Variants in FOXP2 observed in about 807,000 individuals in gnomAD.
FOXP2 encodes the protein forkhead box protein P2.
In FOXP2, 12 loss-of-function variants were observed where a neutral mutation model predicts 115.8. That is an observed-to-expected ratio of 0.10 (90% confidence interval 0.07 to 0.17). The LOEUF (loss-of-function observed/expected upper bound fraction) is 0.17, where lower values mean the gene tolerates loss of function less well. Among genes scored for constraint, FOXP2 ranks in the 10% least tolerant of loss-of-function variants. FOXP2 has a pLI of 1.00. For synonymous variants in FOXP2, 328 were observed against 297.7 expected (o/e 1.10, Z -1.05); for missense variants, 629 against 843.5 (o/e 0.75, Z 3.15).
At chr7:114,515,793 C>T (rs1798310926) in intron 2 of FOXP2, among the ~76,000 whole-genome samples, 1 of 152,152 alleles carries the variant, frequency 6.6e-6, no homozygotes, top group African/African-American at 2.4e-5. Context: ...AGTCCTTGCT[C>T]ATGCCTATGT....
At chr7:114,625,160 AAG>A (rs1804482904) in intron 3 of FOXP2, among the ~76,000 whole-genome samples, 1 of 151,672 alleles carries the variant, frequency 6.6e-6, no homozygotes, top group Non-Finnish European at 1.5e-5. Flanking sequence ...AGTAAATACC[AAG>A]AGAGAAAAAA....
Position 114,415,081 on chromosome 7 carries a change from A to C in FOXP2, c.-290A>C, listed in dbSNP as rs1166508172. The C allele has an allele frequency of 6.6e-6, 3 of 454,160 alleles. No homozygotes were observed. Among genetic ancestry groups the C allele is most frequent in the Non-Finnish European group, 1.3e-5 (3 of 226,686 alleles). The allele number at this position is 454,160 out of a possible 1,614,324, so 28.1% of individuals were successfully genotyped here. A position where few individuals can be genotyped will look rare whatever the true frequency, so the allele number is the denominator to read the frequency against. On this transcript the variant is annotated 5_prime_UTR_variant, in exon 1 of 17. Coordinates refer to ENST00000350908, the MANE Select transcript of FOXP2 (RefSeq NM_014491.4). ...TGATTTTGTGTACGATTGTCCACGG[A>C]CGCCAAAACAATCACAGAGCTGCTT...
intron 2 of FOXP2, among the ~76,000 whole-genome samples, chr7:114,371,060 G>A (rs903276108): frequency 6.6e-6 from 1 of 151,944 alleles, no homozygotes; most frequent in Admixed American, 6.6e-5. Flanking sequence ...TGTTAAATAA[G>A]CATATTCCTT....
At chr7:114,519,580 C>T (rs1798511254) in intron 2 of FOXP2, among the ~76,000 whole-genome samples, 2 of 152,054 alleles carry the variant, frequency 1.3e-5, no homozygotes, top group Admixed American at 1.3e-4. Flanking sequence ...CTTATTGTTC[C>T]ACTCTGGTGA....
chr7:114,335,598 G>A (rs796425062), intron 2 of FOXP2, among the ~76,000 whole-genome samples: 35 of 151,870 alleles, frequency 2.3e-4, no homozygotes, highest in African/African-American at 7.2e-4. Flanking sequence ...AATTATTTCC[G>A]AAGAATGCAA....
intron 1 of FOXP2, among the ~76,000 whole-genome samples, chr7:114,284,753 C>G (rs2694940): frequency 0.56 from 85,395 of 152,052 alleles, 26,766 homozygotes; most frequent in Admixed American, 0.74. Context: ...AAGACACATG[C>G]TCACATATGT....
At position 114,658,245 on chromosome 7, in the gene FOXP2, A is replaced by G; in HGVS notation, c.1446A>G (p.Lys482=). The part of the protein sequence containing the change: ...VGAIRRRHSD[K]YNIPMSSEIA... ...CCATACGAAGGCGACATTCAGACAA[A>G]TACAACATTCCCATGTCATCAGGTA... Residue 482 remains lysine (K), a synonymous_variant, in exon 11 of 17, where the codon AAA becomes AAG. Coordinates refer to ENST00000350908, the MANE Select transcript of FOXP2 (RefSeq NM_014491.4). The G allele has an allele frequency of 6.2e-7, 1 of 1,613,814 alleles. No individual in the cohort carries two copies.
intron 1 of FOXP2, among the ~76,000 whole-genome samples, chr7:114,279,658 AT>A (rs1227515862): frequency 6.6e-6 from 1 of 152,176 alleles, no homozygotes; most frequent in Non-Finnish European, 1.5e-5. Context: ...TTTGCTGAAA[AT>A]GAGAGCTTCT....
chr7:114,120,991 G>T (rs185918396), intron 1 of FOXP2, among the ~76,000 whole-genome samples: 49 of 152,134 alleles, frequency 3.2e-4, no homozygotes, highest in Non-Finnish European at 5.4e-4. Flanking sequence ...AACATTGCTA[G>T]CTTGTGTACA....
chr7:114,140,112 C>CA (rs1380720233), intron 1 of FOXP2, among the ~76,000 whole-genome samples: 5 of 150,612 alleles, frequency 3.3e-5, no homozygotes, highest in African/African-American at 1.2e-4. Flanking sequence ...GACTGTGTTT[C>CA]AAAAAAAAAT....
intron 3 of FOXP2, among the ~76,000 whole-genome samples, chr7:114,602,845 C>G (rs1803102804): frequency 1.3e-5 from 2 of 151,996 alleles, no homozygotes; most frequent in Non-Finnish European, 2.9e-5. Flanking sequence ...AGGAATTGGT[C>G]TAAAATATGG....
intron 2 of FOXP2, among the ~76,000 whole-genome samples, chr7:114,474,320 C>T (rs1187334953): frequency 6.6e-6 from 1 of 152,156 alleles, no homozygotes; most frequent in Admixed American, 6.6e-5. Context: ...CTATGTCTTA[C>T]TCCAGCTAAT....
chr7:114,321,138 G>A (rs1270327888), intron 2 of FOXP2, among the ~76,000 whole-genome samples: 2 of 151,870 alleles, frequency 1.3e-5, no homozygotes, highest in Non-Finnish European at 2.9e-5. Flanking sequence ...TAGGTAACAA[G>A]GAGCCTCGCT....
chr7:114,467,926 T>A (rs1350980335), intron 2 of FOXP2, among the ~76,000 whole-genome samples: 4 of 152,062 alleles, frequency 2.6e-5, no homozygotes, highest in African/African-American at 9.7e-5. Flanking sequence ...TGTCTGTTGG[T>A]TTTTAGACTC....
Position 114,691,057 on chromosome 7 carries a change from T to C in FOXP2, c.*1131T>C, listed in dbSNP as rs1280211322. ...AAAATCCGCAGTGGAAGTTATGATA[T>C]GCTAGAAAGCAACAAATGTGGATCA... On this transcript the variant is annotated 3_prime_UTR_variant, in exon 17 of 17. Coordinates refer to ENST00000350908, the MANE Select transcript of FOXP2 (RefSeq NM_014491.4). 4.4e-6 allele frequency: 2 copies of C among 454,028 alleles called. No homozygotes were observed. The highest frequency in any genetic ancestry group is 4.0e-5 in the African/African-American group (2 of 50,020). The allele number at this position is 454,028 out of a possible 1,614,324, so 28.1% of individuals were successfully genotyped here.
intron 1 of FOXP2, among the ~76,000 whole-genome samples, chr7:114,263,231 T>C (rs1795804844): frequency 6.6e-6 from 1 of 152,138 alleles, no homozygotes; most frequent in South Asian, 2.1e-4. Flanking sequence ...TGCAAATGAG[T>C]TATCTTTGCT....
intron 1 of FOXP2, among the ~76,000 whole-genome samples, chr7:114,205,943 C>A (rs78265885): frequency 2.7e-3 from 409 of 152,288 alleles, no homozygotes; most frequent in African/African-American, 9.3e-3. Context: ...ATAGTTAGAA[C>A]CCATGGCCAA....
intron 1 of FOXP2, among the ~76,000 whole-genome samples, chr7:114,273,852 T>A (rs547787564): frequency 5.9e-5 from 9 of 152,102 alleles, no homozygotes; most frequent in Non-Finnish European, 8.8e-5. Flanking sequence ...GCATTCCTTG[T>A]AGACAACAAA....
intron 13 of FOXP2, among the ~76,000 whole-genome samples, chr7:114,661,186 A>G (rs1404472598): frequency 6.6e-6 from 1 of 151,948 alleles, no homozygotes; most frequent in Non-Finnish European, 1.5e-5. Flanking sequence ...ATTTCTGAGT[A>G]CTTGATAGCT....
Sources: allele counts gnomAD v4.1 joint callset (sites outside exome capture counted in the v4.1 genomes callset), GRCh38; gene constraint gnomAD v4.1.1; transcripts MANE v1.5; gene names NCBI Gene and HGNC (gene_info 2026-07-23, HGNC 2026-07-21).